Variants in TNS3 observed in about 807,000 individuals in gnomAD.
The protein encoded by TNS3 is tensin 3.
TNS3 carries 45 observed loss-of-function variants against 140.9 expected under a neutral mutation model. That is an observed-to-expected ratio of 0.32 (90% CI 0.25 to 0.41). The LOEUF (loss-of-function observed/expected upper bound fraction) is 0.41, where lower values mean the gene tolerates loss of function less well. Ranked by LOEUF, TNS3 falls within the 10% of genes least tolerant of loss-of-function variation. The pLI is 1.00. For synonymous variants in TNS3, 815 were observed against 788.4 expected, an observed-to-expected ratio of 1.03 and a Z score of -0.56; for missense variants, 1,716 against 1,906.7, an observed-to-expected ratio of 0.90 and a Z score of 1.86.
intron 1 of TNS3, among the ~76,000 whole-genome samples, chr7:47,555,381 A>G (rs1172978685): frequency 1.3e-5 from 2 of 150,394 alleles, no homozygotes; most frequent in Admixed American, 6.6e-5. Context: ...AGCCTGAGGG[A>G]CAAGAGCAAG....
intron 4 of TNS3, among the ~76,000 whole-genome samples, chr7:47,479,184 C>A (rs555403518): frequency 6.6e-6 from 1 of 152,326 alleles, no homozygotes; most frequent in East Asian, 1.9e-4. Context: ...GTCTGACAGC[C>A]CTGCAACCGG....
intron 1 of TNS3, among the ~76,000 whole-genome samples, chr7:47,550,980 A>G (rs1800045703): frequency 6.6e-6 from 1 of 152,196 alleles, no homozygotes; most frequent in African/African-American, 2.4e-5. Context: ...GACTGAGCAC[A>G]TCTCCCAAGT....
intron 3 of TNS3, among the ~76,000 whole-genome samples, chr7:47,490,488 T>A (rs1797769843): frequency 6.6e-6 from 1 of 152,230 alleles, no homozygotes; most frequent in Non-Finnish European, 1.5e-5. Context: ...CTGTCCCTGT[T>A]CCTCTTGAGT....
At chr7:47,394,425 C>G (rs1792709011) in intron 16 of TNS3, among the ~76,000 whole-genome samples, 1 of 152,220 alleles carries the variant, frequency 6.6e-6, no homozygotes, top group Non-Finnish European at 1.5e-5. Context: ...ATCCGCCAGG[C>G]TGGCTGCCTG....
intron 20 of TNS3, among the ~76,000 whole-genome samples, chr7:47,340,576 C>CTTTT (rs1554297310): frequency 7.7e-6 from 1 of 130,222 alleles, no homozygotes; most frequent in Non-Finnish European, 1.6e-5. Flanking sequence ...CTGGGATTTT[C>CTTTT]TTTTTTTTCT....
At chr7:47,339,619 C>A (rs1018175654) in intron 20 of TNS3, among the ~76,000 whole-genome samples, 7 of 152,140 alleles carry the variant, frequency 4.6e-5, no homozygotes, top group Admixed American at 6.6e-5. Flanking sequence ...AATTAGGTAA[C>A]CTCATTCCTT....
chr7:47,440,211 C>T (rs570145565), intron 5 of TNS3, among the ~76,000 whole-genome samples: 92 of 152,186 alleles, frequency 6.0e-4, no homozygotes, highest in African/African-American at 2.2e-3. Flanking sequence ...GTGAGGTGGC[C>T]AGCTATGGTC....
intron 15 of TNS3, among the ~76,000 whole-genome samples, chr7:47,397,468 T>C (rs1471067128): frequency 6.6e-6 from 1 of 152,224 alleles, no homozygotes; most frequent in Non-Finnish European, 1.5e-5. Context: ...ACAATTCACC[T>C]TGATGATAAA....
chr7:47,509,208 A>T (rs1432936648), intron 2 of TNS3, among the ~76,000 whole-genome samples: 1 of 152,220 alleles, frequency 6.6e-6, no homozygotes, highest in Non-Finnish European at 1.5e-5. Context: ...TCGGCACTGT[A>T]GGGCAAAATC....
chr7:47,528,208 C>A (rs1055028030), intron 2 of TNS3, among the ~76,000 whole-genome samples: 1 of 152,208 alleles, frequency 6.6e-6, no homozygotes, highest in Non-Finnish European at 1.5e-5. Flanking sequence ...CTGGTCACAT[C>A]CTCAACCCAT....
chr7:47,531,208 A>T (rs1000509504), intron 1 of TNS3, among the ~76,000 whole-genome samples: 4 of 152,088 alleles, frequency 2.6e-5, no homozygotes, highest in African/African-American at 9.7e-5. Flanking sequence ...CCCCCACAAC[A>T]CACAATTTAC....
At chr7:47,545,572 T>A (rs928584140) in intron 1 of TNS3, among the ~76,000 whole-genome samples, 1 of 152,130 alleles carries the variant, frequency 6.6e-6, no homozygotes, top group Non-Finnish European at 1.5e-5. Context: ...CAGCCTGGTC[T>A]CCCCTCCCTT....
intron 20 of TNS3, among the ~76,000 whole-genome samples, chr7:47,323,265 T>G (rs1051397962): frequency 6.6e-6 from 1 of 152,146 alleles, no homozygotes; most frequent in Non-Finnish European, 1.5e-5. Flanking sequence ...TCCACCTATC[T>G]TCGAATCTTC....
intron 25 of TNS3, among the ~76,000 whole-genome samples, chr7:47,293,379 C>T (rs919342318): frequency 1.3e-5 from 2 of 152,154 alleles, no homozygotes; most frequent in African/African-American, 4.8e-5. Context: ...AGGGAGGGTG[C>T]TCTGTTGGGA....
chr7:47,376,532 GA>G (rs1791394899), intron 16 of TNS3, among the ~76,000 whole-genome samples: 1 of 152,184 alleles, frequency 6.6e-6, no homozygotes, highest in African/African-American at 2.4e-5. Context: ...TGTGAAGCAG[GA>G]AACGGGAAGT....
intron 3 of TNS3, among the ~76,000 whole-genome samples, chr7:47,497,406 C>G (rs1487275655): frequency 6.6e-6 from 1 of 152,224 alleles, no homozygotes; most frequent in African/African-American, 2.4e-5. Context: ...TTCAGTTCTC[C>G]GCAGTCCTCT....
intron 17 of TNS3, among the ~76,000 whole-genome samples, chr7:47,361,552 G>A (rs943761843): frequency 3.3e-5 from 5 of 152,284 alleles, no homozygotes; most frequent in Middle Eastern, 3.4e-3. Flanking sequence ...CTTCTGCCAC[G>A]GAATCAGAGC....
Position 47,311,399 on chromosome 7 carries a change from AGTGTGTGTGTGTGTGTGT to A in TNS3, c.2651-6414_2651-6397del, listed in dbSNP as rs10617598. On this transcript the variant is annotated intron_variant, in intron 20 of 30. Coordinates refer to ENST00000311160, the MANE Select transcript of TNS3 (RefSeq NM_022748.12). The stretch of plus-strand genomic sequence containing the variant: ...TGCACATGTACCCTAGAACTTAAAG[AGTGTGTGTGTGTGTGTGT>A]GTGTGTGTGTGTGTGTGTGTGTATA... Among the ~76,000 whole-genome samples the A allele has an allele frequency of 6.1e-3, 900 of 147,436 alleles. 3 individuals are homozygous for A. The highest frequency in any genetic ancestry group is 0.014 in the Admixed American group (200 of 14,722).
intron 20 of TNS3, among the ~76,000 whole-genome samples, chr7:47,310,091 GGA>G (rs1787002208): frequency 6.6e-6 from 1 of 152,190 alleles, no homozygotes. Flanking sequence ...GACCAAGTTT[GGA>G]GTTCAGAGCT....
Sources: gnomAD v4.1 joint callset for allele counts (sites outside exome capture counted in the v4.1 genomes callset) on GRCh38, gnomAD v4.1.1 for gene constraint, MANE v1.5 for transcripts, NCBI Gene and HGNC (gene_info 2026-07-23, HGNC 2026-07-21) for gene names.